RNF149: variants seen among roughly 807,000 people sequenced by gnomAD.
RNF149 encodes E3 ubiquitin-protein ligase RNF149.
RNF149 carries 21 observed loss-of-function variants against 39.0 expected under a neutral mutation model. The ratio of observed to expected loss-of-function variants is 0.54; its 90% CI spans 0.38 to 0.77. The LOEUF is 0.77. Ranked by LOEUF, RNF149 falls within the 30% of genes least tolerant of loss-of-function variation. The pLI, the probability that RNF149 is intolerant of heterozygous loss-of-function variation, is 0.00. For synonymous variants in RNF149, 209 were observed against 213.6 expected (o/e 0.98, Z 0.19); for missense variants, 493 against 534.9 (o/e 0.92, Z 0.77).
chr2:101,276,388 G>A lies in RNF149; in HGVS notation c.*850C>T, dbSNP rs956597395. On this transcript the variant is annotated 3_prime_UTR_variant, in exon 7 of 7. Transcript: ENST00000295317. The stretch of plus-strand genomic sequence containing the variant: ...GCTTAAACTCTAATCAAGAAAACTG[G>A]TTATTTCGAGTCAACAACAAAAACT... The A allele has an allele frequency of 1.0e-6, 1 of 985,662 alleles. No homozygotes were observed. Among genetic ancestry groups the A allele is most frequent in the African/African-American group, 1.7e-5 (1 of 57,202 alleles). 61.1% of individuals were successfully genotyped at this position (985,662 alleles called of 1,614,324 possible).
rs1006156594 is a variant in RNF149, at chr2:101,294,976, G to A, written c.666C>T (p.Tyr222=). The A allele has an allele frequency of 3.7e-6, 6 of 1,613,584 alleles. No homozygotes were observed. The African/African-American group carries it at 8.0e-5, about 22-fold the overall frequency. ...CAGTATATAGGAAACGCTGTATATA[G>A]TAAAATATTAGCCAGGCTAACGAGA... ...MIISLAWLIF[Y]YIQRFLYTGS... The change falls in exon 2 of 7, where the codon TAC becomes TAT. Residue 222 remains tyrosine (Y), a synonymous_variant. Coordinates refer to ENST00000295317, the MANE Select transcript of RNF149 (RefSeq NM_173647.4).
chr2:101,287,301 C>G (rs538132893), intron 4 of RNF149, among the ~76,000 whole-genome samples: 1 of 151,886 alleles, frequency 6.6e-6, no homozygotes, highest in Admixed American at 6.6e-5. Context: ...CCAGTCTGGG[C>G]AACAAGAACG....
At chr2:101,295,490 C>T (rs1683192212) in intron 1 of RNF149, among the ~76,000 whole-genome samples, 1 of 151,688 alleles carries the variant, frequency 6.6e-6, no homozygotes, top group Admixed American at 6.6e-5. Context: ...TGAAACCCTG[C>T]CTTTACTAAA....
chr2:101,294,997 C>G lies in RNF149; in HGVS notation c.645G>C (p.Ser215=). 6.2e-7 allele frequency: 1 copy of G among 1,613,946 alleles called. No homozygotes were observed. The highest frequency in any genetic ancestry group is 1.1e-5 in the South Asian group (1 of 91,078). Reference sequence around the variant, plus strand: ...TATAGTAAAATATTAGCCAGGCTAACGAGATAATCATCATGGTGATGAAGG... The same window carrying G: ...TATAGTAAAATATTAGCCAGGCTAAGGAGATAATCATCATGGTGATGAAGG... ...AIAFITMMII[S]LAWLIFYYIQ... is the part of the protein sequence containing the mutation. Residue 215 remains serine (S), a synonymous_variant, in exon 2 of 7, where the codon TCG becomes TCC. Coordinates refer to ENST00000295317, the MANE Select transcript of RNF149 (RefSeq NM_173647.4).
intron 1 of RNF149, 107 bp downstream of exon 1, chr2:101,308,022 G>A: frequency 6.7e-7 from 1 of 1,485,266 alleles, no homozygotes; most frequent in Non-Finnish European, 8.9e-7. Flanking sequence ...AGGCCTGAGA[G>A]CCGTGCCAGG....
At chr2:101,288,666 A>G (rs1462459452) in intron 4 of RNF149, 1 of 226,774 alleles carries the variant, frequency 4.4e-6, no homozygotes, top group African/African-American at 2.3e-5. Flanking sequence ...AACACAGCTT[A>G]CTTTTTGCAC....
Position 101,282,039 on chromosome 2 carries a change from G to A in RNF149, c.979C>T (p.Gln327Ter), listed in dbSNP as rs1682613212. The change falls in exon 6 of 7, where the codon CAG becomes TAG. Residue 327 changes from glutamine (Q) to a stop codon, truncating the protein, a stop_gained. Transcript: ENST00000295317. LOFTEE classifies it high-confidence loss of function. ...GGAGATTCTGGAGCAGGCATCTCCT[G>A]TACATCCCCAGGCTCTCCCTTGAGA... The part of the protein sequence containing the change: ...LGYWGEPGDV[Q>*]EMPAPESPPG... The A allele has an allele frequency of 6.2e-7, 1 of 1,613,624 alleles. No individual in the cohort carries two copies. Among genetic ancestry groups the A allele is most frequent in the African/African-American group, 1.3e-5 (1 of 74,820 alleles).
At position 101,308,611 on chromosome 2, in the gene RNF149, G is replaced by A. The variant is rs1482402848; in HGVS notation, c.-23C>T. On this transcript the variant is annotated 5_prime_UTR_variant, in exon 1 of 7. Coordinates refer to ENST00000295317, the MANE Select transcript of RNF149 (RefSeq NM_173647.4). ...CATGGCAGCACCGCTGAGCTGACTAGGGGGAGTCAGGGTCACGCGCGAGTG... is the reference window on the plus strand; with the variant it reads ...CATGGCAGCACCGCTGAGCTGACTAAGGGGAGTCAGGGTCACGCGCGAGTG... The A allele has an allele frequency of 6.7e-7, 1 of 1,494,456 alleles. No homozygotes were observed. The highest frequency in any genetic ancestry group is 8.8e-7 in the Non-Finnish European group (1 of 1,130,760). 92.6% of individuals were successfully genotyped at this position (1,494,456 alleles called of 1,614,324 possible).
chr2:101,308,191 G>A lies in RNF149; in HGVS notation c.398C>T (p.Ser133Leu), dbSNP rs1486654642. The A allele has an allele frequency of 1.4e-5, 22 of 1,610,330 alleles. No homozygotes were observed. Among genetic ancestry groups the A allele is most frequent in the African/African-American group, 1.1e-4 (8 of 74,628 alleles). Residue 133 changes from serine (S) to leucine (L), a missense_variant, in exon 1 of 7, where the codon TCG (serine) becomes TTG (leucine). Ser to Leu is a moderately radical substitution (Grantham distance 145). Coordinates refer to ENST00000295317, the MANE Select transcript of RNF149 (RefSeq NM_173647.4). ...KVLVAARRNASAVVLYNEERY... is the reference protein window; with the variant it reads ...KVLVAARRNALAVVLYNEERY... The stretch of plus-strand genomic sequence containing the variant: ...CTCCTCATTGTAGAGGACGACGGCC[G>A]AGGCGTTCCTCCGCGCCGCCACCAG...
In RNF149 at chr2:101,276,062, A is replaced by G; in HGVS notation, c.*1176T>C. The G allele has an allele frequency of 1.2e-6, 1 of 853,714 alleles. No individual in the cohort carries two copies. The highest frequency in any genetic ancestry group is 5.4e-5 in the South Asian group (1 of 18,538). The allele number at this position is 853,714 out of a possible 1,614,324, so 52.9% of individuals were successfully genotyped here. On this transcript the variant is annotated 3_prime_UTR_variant, in exon 7 of 7. Transcript: ENST00000295317. ...AAATCTTTATATCCTACATATGGCT[A>G]TAAAAATAAATTTATAATTTTAAAA...
At chr2:101,277,421 T>C (rs1682387649) in intron 6 of RNF149, 140 bp from the exon 7 acceptor site, 1 of 1,218,396 alleles carries the variant, frequency 8.2e-7, no homozygotes, top group East Asian at 2.9e-5. Flanking sequence ...CGGAGTCTTG[T>C]TCTTGTTGCC....
At chr2:101,307,043 G>C (rs538699167) in intron 1 of RNF149, among the ~76,000 whole-genome samples, 2 of 152,278 alleles carry the variant, frequency 1.3e-5, no homozygotes, top group East Asian at 3.9e-4. Flanking sequence ...CACTCTCTGT[G>C]TACTGGTCGT....
Position 101,277,169 on chromosome 2 carries a change from G to T in RNF149, c.*69C>A. 6.4e-7 allele frequency: 1 copy of T among 1,572,386 alleles called. No homozygotes were observed. The highest frequency in any genetic ancestry group is 8.7e-7 in the Non-Finnish European group (1 of 1,155,208). On this transcript the variant is annotated 3_prime_UTR_variant, in exon 7 of 7. Coordinates refer to ENST00000295317, the MANE Select transcript of RNF149 (RefSeq NM_173647.4). Reference sequence around the variant, plus strand: ...TCAAATATACAAATTATGTGCTAAAGTAAAAAAAATAAAATGTCCTTTAGT... The same window carrying T: ...TCAAATATACAAATTATGTGCTAAATTAAAAAAAATAAAATGTCCTTTAGT...
intron 3 of RNF149, among the ~76,000 whole-genome samples, chr2:101,291,517 AAG>A (rs1683012116): frequency 6.6e-6 from 1 of 151,854 alleles, no homozygotes; most frequent in Non-Finnish European, 1.5e-5. Context: ...TCCTGGACTC[AAG>A]AGATCCTCCT....
At chr2:101,290,166 G>A (rs1682953142) in intron 3 of RNF149, among the ~76,000 whole-genome samples, 2 of 152,190 alleles carry the variant, frequency 1.3e-5, no homozygotes, top group South Asian at 2.1e-4. Context: ...GTGACACAGC[G>A]AGACTCCGTC....
intron 3 of RNF149, among the ~76,000 whole-genome samples, chr2:101,290,670 G>C (rs1045383570): frequency 6.6e-6 from 1 of 152,166 alleles, no homozygotes; most frequent in African/African-American, 2.4e-5. Context: ...CTAAATATTT[G>C]AAAATAGTTA....
intron 3 of RNF149, among the ~76,000 whole-genome samples, chr2:101,292,610 C>CA (rs1262508093): frequency 6.6e-6 from 1 of 151,936 alleles, no homozygotes; most frequent in Non-Finnish European, 1.5e-5. Context: ...ACTAAAAATA[C>CA]AAAAAATTAG....
At chr2:101,304,966 G>A (rs551283994) in intron 1 of RNF149, among the ~76,000 whole-genome samples, 1 of 150,652 alleles carries the variant, frequency 6.6e-6, no homozygotes, top group Non-Finnish European at 1.5e-5. Context: ...TCAGCCTCCT[G>A]AGTAACTAGG....
At chr2:101,272,700 T>C (rs911750008), downstream of RNF149, 2 of 345,438 alleles carry the variant, frequency 5.8e-6, no homozygotes, top group Non-Finnish European at 5.7e-6. Context: ...GTAATACATA[T>C]ATACTGACTT....
Sources: allele counts gnomAD v4.1 joint callset (sites outside exome capture counted in the v4.1 genomes callset), GRCh38; gene constraint gnomAD v4.1.1; transcripts MANE v1.5; gene names NCBI Gene and HGNC (gene_info 2026-07-23, HGNC 2026-07-21).